Variants in GRM7 observed in about 807,000 individuals in gnomAD.
The protein encoded by GRM7 is metabotropic glutamate receptor 7.
GRM7 carries 35 observed loss-of-function variants against 84.5 expected under a neutral mutation model. The observed-to-expected ratio is 0.41, with a 90% confidence interval of 0.32 to 0.55. The LOEUF (loss-of-function observed/expected upper bound fraction) is 0.55. GRM7 is among the 20% of genes least tolerant of loss of function. The probability of loss-of-function intolerance (pLI) is 0.19; values close to 1 mark genes in which losing one functional copy is unlikely to be tolerated. For synonymous variants in GRM7, 487 were observed against 455.1 expected, an observed-to-expected ratio of 1.07 and a Z score of -0.89; for missense variants, 1,003 against 1,194.6, an observed-to-expected ratio of 0.84 and a Z score of 2.36.
chr3:7,682,057 T>C (rs162801), intron 9 of GRM7: 85,036 of 152,016 alleles, frequency 0.56, 24,023 homozygotes, highest in Middle Eastern at 0.6. Context: ...AATTTATGGC[T>C]GGGCGTGGTG....
At chr3:7,135,280 C>T (rs1693735857) in intron 1 of GRM7, among the ~76,000 whole-genome samples, 1 of 152,042 alleles carries the variant, frequency 6.6e-6, no homozygotes, top group South Asian at 2.1e-4. Flanking sequence ...AAGAATAAGC[C>T]CGAAATGGTT....
intron 8 of GRM7, among the ~76,000 whole-genome samples, chr3:7,677,537 C>G (rs928832309): frequency 4.6e-5 from 7 of 152,054 alleles, no homozygotes; most frequent in African/African-American, 9.7e-5. Context: ...CAAGAGGATT[C>G]AGGGATGGAG....
At chr3:7,200,621 T>C (rs1696033918) in intron 2 of GRM7, among the ~76,000 whole-genome samples, 1 of 152,166 alleles carries the variant, frequency 6.6e-6, no homozygotes, top group Non-Finnish European at 1.5e-5. Flanking sequence ...AACAGACTGC[T>C]GCACTCACCC....
chr3:7,294,367 C>T (rs1366538790), intron 2 of GRM7, among the ~76,000 whole-genome samples: 3 of 152,242 alleles, frequency 2.0e-5, no homozygotes, highest in Admixed American at 6.5e-5. Flanking sequence ...AGTCCCAGGA[C>T]AGTTTGCAGA....
chr3:7,444,164 A>C (rs1023679509), intron 5 of GRM7, among the ~76,000 whole-genome samples: 1 of 152,186 alleles, frequency 6.6e-6, no homozygotes, highest in Admixed American at 6.6e-5. Flanking sequence ...ATGTCCTGAA[A>C]GTTCAACCTG....
In GRM7 at chr3:7,298,654, A is replaced by G. The variant is rs750125676; in HGVS notation, c.737-30A>G. The stretch of plus-strand genomic sequence containing the variant: ...CCTTTGACATCTCTGTGGAAACATT[A>G]TTGACACTATGTTTTCTTCTCTTAA... On this transcript the variant is annotated intron_variant, in intron 2 of 9. Coordinates refer to ENST00000357716, the MANE Select transcript of GRM7 (RefSeq NM_000844.4). 4.4e-6 allele frequency: 7 copies of G among 1,597,918 alleles called. No homozygotes were observed. In the African/African-American group the frequency reaches 5.4e-5, roughly 12 times the overall value.
rs71066013 is a variant in GRM7, at chr3:7,460,099, T to TAAAAAAAAAAAA, written c.1376-1465_1376-1454dup. 2.2e-3 allele frequency among the ~76,000 whole-genome samples: 108 copies of TAAAAAAAAAAAA among 49,542 alleles called. 1 individual carries two copies. The highest frequency in any genetic ancestry group is 2.7e-3 in the South Asian group (2 of 744). The allele number at this position is 49,542 out of a possible 152,430, so 32.5% of individuals were successfully genotyped here. On this transcript the variant is annotated intron_variant, in intron 6 of 9. Transcript: ENST00000357716. ...ACAGGGAAAAGTATGCTTAAAATAG[T>TAAAAAAAAAAAA]AAAAAAAAAAAAAAAAAAAAAAAAA...
intron 1 of GRM7, among the ~76,000 whole-genome samples, chr3:6,895,155 C>T (rs1696129663): frequency 6.6e-6 from 1 of 152,136 alleles, no homozygotes; most frequent in South Asian, 2.1e-4. Context: ...CGATTATTAA[C>T]ACTCAATCTA....
chr3:7,041,463 A>C (rs1171081791), intron 1 of GRM7, among the ~76,000 whole-genome samples: 1 of 152,184 alleles, frequency 6.6e-6, no homozygotes, highest in African/African-American at 2.4e-5. Context: ...TTAATAGTTA[A>C]TTTCTTTTTA....
At chr3:7,421,178 A>G (rs1035542813) in intron 5 of GRM7, among the ~76,000 whole-genome samples, 10 of 152,188 alleles carry the variant, frequency 6.6e-5, no homozygotes, top group African/African-American at 2.4e-4. Flanking sequence ...AAAAATCAAT[A>G]AATTTTGTAA....
intron 4 of GRM7, among the ~76,000 whole-genome samples, chr3:7,410,471 G>A (rs535201009): frequency 8.0e-4 from 121 of 151,976 alleles, no homozygotes; most frequent in Non-Finnish European, 1.3e-3. Context: ...TACCCAGGAG[G>A]CTGAGGTGGG....
chr3:7,722,609 A>C (rs2106520556), intron 9 of GRM7, among the ~76,000 whole-genome samples: 1 of 152,020 alleles, frequency 6.6e-6, no homozygotes. Flanking sequence ...TGCCCGGCTA[A>C]GTTTTGTAAT....
At chr3:6,992,324 T>A (rs1273503941) in intron 1 of GRM7, among the ~76,000 whole-genome samples, 3 of 152,206 alleles carry the variant, frequency 2.0e-5, no homozygotes, top group Non-Finnish European at 4.4e-5. Flanking sequence ...ATATTTAACC[T>A]GAAATCACTT....
intron 2 of GRM7, among the ~76,000 whole-genome samples, chr3:7,277,725 T>C (rs1699123953): frequency 6.6e-6 from 1 of 152,046 alleles, no homozygotes; most frequent in South Asian, 2.1e-4. Context: ...TTGTCTGTAT[T>C]TGTACAGGTT....
intron 2 of GRM7, among the ~76,000 whole-genome samples, chr3:7,177,981 C>T (rs1695210647): frequency 6.6e-6 from 1 of 152,144 alleles, no homozygotes; most frequent in Non-Finnish European, 1.5e-5. Context: ...GTTTAGAAAA[C>T]TTGCTTTCTT....
chr3:7,231,003 AC>A (rs1162862362), intron 2 of GRM7, among the ~76,000 whole-genome samples: 3 of 152,102 alleles, frequency 2.0e-5, no homozygotes, highest in African/African-American at 7.2e-5. Context: ...CTGAAAAACC[AC>A]CTGCCCAATA....
chr3:7,023,114 T>C (rs553287397), intron 1 of GRM7, among the ~76,000 whole-genome samples: 83 of 152,250 alleles, frequency 5.5e-4, no homozygotes, highest in African/African-American at 1.9e-3. Flanking sequence ...TGTCTCATTA[T>C]GCAGATAGAG....
intron 2 of GRM7, among the ~76,000 whole-genome samples, chr3:7,214,980 T>G (rs1696552871): frequency 6.6e-6 from 1 of 152,206 alleles, no homozygotes; most frequent in African/African-American, 2.4e-5. Context: ...TATTTAAACC[T>G]CTTTCAAAGT....
intron 2 of GRM7, among the ~76,000 whole-genome samples, chr3:7,199,269 A>T (rs1193746815): frequency 6.6e-6 from 1 of 152,206 alleles, no homozygotes; most frequent in Non-Finnish European, 1.5e-5. Flanking sequence ...CCAAATGCTG[A>T]GACATGACAT....
Sources: gnomAD v4.1 joint callset for allele counts (sites outside exome capture counted in the v4.1 genomes callset) on GRCh38, gnomAD v4.1.1 for gene constraint, MANE v1.5 for transcripts, NCBI Gene and HGNC (gene_info 2026-07-23, HGNC 2026-07-21) for gene names.